Variants in RAF1 observed in about 807,000 individuals in gnomAD.
RAF1 encodes Raf-1 proto-oncogene, serine/threonine kinase, also known as RAF proto-oncogene serine/threonine-protein kinase.
Under a neutral mutation model 81.1 loss-of-function variants are expected in RAF1, and 27 were observed. The observed-to-expected ratio is 0.33, with a 90% CI of 0.25 to 0.46. The LOEUF (loss-of-function observed/expected upper bound fraction) is 0.46, where lower values mean the gene tolerates loss of function less well. Among genes scored for constraint, RAF1 ranks in the 20% least tolerant of loss-of-function variants. The pLI is 1.00. For missense variants in RAF1, 598 were observed against 826.0 expected (o/e 0.72, Z 3.38); for synonymous variants, 298 against 294.0 (o/e 1.01, Z -0.14).
At chr3:12,595,572 G>T (rs2058660822) in intron 11 of RAF1, among the ~76,000 whole-genome samples, 1 of 151,986 alleles carries the variant, frequency 6.6e-6, no homozygotes, top group African/African-American at 2.4e-5. Context: ...ACTCCTATTA[G>T]TATACCTCTC....
rs1044320261 is a variant in RAF1, at chr3:12,644,613, G to C, written c.-27+19200C>G. Among the ~76,000 whole-genome samples, 4 of 152,308 alleles carry C rather than the reference G, an allele frequency of 2.6e-5. No individual in the cohort carries two copies. In the South Asian group the frequency reaches 8.3e-4, roughly 32 times the overall value. On this transcript the variant is annotated intron_variant, in intron 1 of 17. Coordinates refer to ENST00000442415, the MANE Select transcript of RAF1 (RefSeq NM_001354689.3). ...TTGGCTCTATCCTTTTGCTTAGCAA[G>C]GGCTAGCAGTCAAATCTTCCTATTG...
chr3:12,628,915 T>C (rs1954433808), intron 1 of RAF1, among the ~76,000 whole-genome samples: 1 of 152,006 alleles, frequency 6.6e-6, no homozygotes, highest in Non-Finnish European at 1.5e-5. Flanking sequence ...CCATGCTGGC[T>C]AATTTTTGTA....
At chr3:12,587,885 C>T in intron 13 of RAF1, 1 of 330,328 alleles carries the variant, frequency 3.0e-6, no homozygotes, top group Non-Finnish European at 5.4e-6. Flanking sequence ...TAGCTTACTG[C>T]AGCCTTAACC....
chr3:12,591,868 T>C (rs535907084), intron 11 of RAF1, 76 bp from the exon 11 acceptor site: 2 of 1,106,702 alleles, frequency 1.8e-6, no homozygotes, highest in Non-Finnish European at 2.8e-6. Flanking sequence ...TTGAGGAAGA[T>C]ACAGTGAATC....
In RAF1 at chr3:12,611,980, G is replaced by A. The variant is rs2125430397; in HGVS notation, c.290C>T (p.Ala97Val). ...GTGTTCGTGGAGAAGTCTGAACACT[G>A]CACAGCACTCTGGTTGCAGGCCCCT... Residue 97 changes from alanine (A) to valine (V), a missense_variant, in exon 3 of 18, where the codon GCA (alanine) becomes GTA (valine). Transcript: ENST00000442415. The A allele has an allele frequency of 6.2e-7, 1 of 1,614,132 alleles. No homozygotes were observed. The highest frequency in any genetic ancestry group is 1.1e-5 in the South Asian group (1 of 91,076).
At chr3:12,663,681 G>C (rs1261887144) in intron 1 of RAF1, 132 bp downstream of exon 1, 2 of 388,924 alleles carry the variant, frequency 5.1e-6, no homozygotes, top group Non-Finnish European at 9.1e-6. Flanking sequence ...ACAACGGCCT[G>C]GCCCAAGCCC....
chr3:12,593,507 G>A (rs1326450059), intron 11 of RAF1, among the ~76,000 whole-genome samples: 2 of 152,080 alleles, frequency 1.3e-5, no homozygotes, highest in Admixed American at 1.3e-4. Context: ...TTTAACAGCA[G>A]CCTCCAAAGT....
chr3:12,641,842 T>C (rs948691112), intron 1 of RAF1, among the ~76,000 whole-genome samples: 16 of 152,144 alleles, frequency 1.1e-4, no homozygotes, highest in Admixed American at 9.8e-4. Context: ...GTAGTTTAGA[T>C]TCCTGGATGT....
In RAF1 at chr3:12,587,769, GTGC is replaced by G; in HGVS notation, c.1431-135_1431-133del. The stretch of plus-strand genomic sequence containing the variant: ...AGTGTTACACACAGGGATAGACCCT[GTGC>G]TGTTCAGCCTGGTTCACATCACTGC... On this transcript the variant is annotated intron_variant, in intron 13 of 17. Transcript: ENST00000442415. 3 of 724,026 alleles carry G rather than the reference GTGC, an allele frequency of 4.1e-6. No individual in the cohort carries two copies. The Admixed American group carries it at 6.2e-5, about 15-fold the overall frequency. The allele number at this position is 724,026 out of a possible 1,614,324, so 44.9% of individuals were successfully genotyped here.
intron 11 of RAF1, 110 bp downstream of exon 10, chr3:12,599,581 C>A: frequency 1.3e-6 from 1 of 797,368 alleles, no homozygotes; most frequent in Non-Finnish European, 2.3e-6. Flanking sequence ...AGGGAGAGTA[C>A]TGCTATAAGC....
At chr3:12,587,912 TCCTC>T (rs1358209578) in intron 13 of RAF1, 1 of 249,804 alleles carries the variant, frequency 4.0e-6, no homozygotes, top group East Asian at 6.7e-5. Context: ...GCTCAAGTGA[TCCTC>T]CCACCTCCCA....
intron 1 of RAF1, among the ~76,000 whole-genome samples, chr3:12,654,903 C>T (rs1457303041): frequency 6.6e-6 from 1 of 150,418 alleles, no homozygotes; most frequent in African/African-American, 2.4e-5. Flanking sequence ...GGGCTGGGCG[C>T]AGTGGCTCAA....
At chr3:12,591,612 C>G in intron 12 of RAF1, 96 bp downstream of exon 11, 1 of 1,092,582 alleles carries the variant, frequency 9.2e-7, no homozygotes, top group Non-Finnish European at 1.4e-6. Flanking sequence ...TAACTGCCTG[C>G]CCGTCCCAAC....
intron 3 of RAF1, among the ~76,000 whole-genome samples, chr3:12,609,632 CTCTT>C (rs1281594471): frequency 2.0e-5 from 3 of 152,116 alleles, no homozygotes; most frequent in Admixed American, 6.6e-5. Context: ...ATAAAGTTTT[CTCTT>C]TATTTACTTA....
chr3:12,614,515 T>C (rs1248039019), intron 2 of RAF1, among the ~76,000 whole-genome samples: 1 of 152,046 alleles, frequency 6.6e-6, no homozygotes, highest in Non-Finnish European at 1.5e-5. Flanking sequence ...ACATGTACCC[T>C]TTACCACCCC....
chr3:12,633,821 G>C (rs894594205), intron 1 of RAF1, among the ~76,000 whole-genome samples: 1 of 151,114 alleles, frequency 6.6e-6, no homozygotes, highest in African/African-American at 2.4e-5. Flanking sequence ...TGTAATCTCA[G>C]CTACTTGGGA....
intron 1 of RAF1, among the ~76,000 whole-genome samples, chr3:12,653,903 T>A (rs1355149108): frequency 6.6e-6 from 1 of 151,968 alleles, no homozygotes; most frequent in Admixed American, 6.6e-5. Flanking sequence ...AATAAAAAGT[T>A]GAACTACTTG....
At chr3:12,640,717 G>A (rs931304836) in intron 1 of RAF1, among the ~76,000 whole-genome samples, 1 of 131,786 alleles carries the variant, frequency 7.6e-6, no homozygotes, top group African/African-American at 3.0e-5. Context: ...GGAAACAACA[G>A]GTGCTGGAGA....
At chr3:12,651,566 G>A (rs920693101) in intron 1 of RAF1, among the ~76,000 whole-genome samples, 5 of 151,656 alleles carry the variant, frequency 3.3e-5, no homozygotes, top group African/African-American at 7.3e-5. Context: ...CCCGGGAGGC[G>A]GGGGTTGCAG....
Sources: allele counts gnomAD v4.1 joint callset (sites outside exome capture counted in the v4.1 genomes callset), GRCh38; gene constraint gnomAD v4.1.1; transcripts MANE v1.5; gene names NCBI Gene and HGNC (gene_info 2026-07-23, HGNC 2026-07-21).